Variants in YTHDC2 observed in about 807,000 individuals in gnomAD.
YTHDC2 encodes the protein YTH N6-methyladenosine RNA binding protein C2, also known as 3'-5' RNA helicase YTHDC2.
A neutral mutation model predicts 174.9 loss-of-function variants in YTHDC2; 45 were observed. The ratio of observed to expected loss-of-function variants is 0.26; its 90% CI spans 0.20 to 0.33. The LOEUF is 0.33. Ranked by LOEUF, YTHDC2 falls within the 10% of genes least tolerant of loss-of-function variation. The probability of loss-of-function intolerance (pLI) is 1.00; values close to 1 mark genes in which losing one functional copy is unlikely to be tolerated. For synonymous variants in YTHDC2, 657 were observed against 574.5 expected (o/e 1.14, Z -2.05); for missense variants, 1,650 against 1,723.7 (o/e 0.96, Z 0.76).
chr5:113,589,160 C>G (rs1043590585), intron 26 of YTHDC2, among the ~76,000 whole-genome samples: 3 of 151,484 alleles, frequency 2.0e-5, no homozygotes, highest in Non-Finnish European at 4.4e-5. Flanking sequence ...CCTGAAGAAC[C>G]TCCTTTCTGG....
chr5:113,593,538 T>G lies in YTHDC2; in HGVS notation c.*64T>G. On this transcript the variant is annotated 3_prime_UTR_variant, in exon 30 of 30. Coordinates refer to ENST00000161863, the MANE Select transcript of YTHDC2 (RefSeq NM_022828.5). ...TTTATAACCACTGAATGCACTGACT[T>G]TCAAAAACTGAGGTGGGGTGTGTGT... 1.7e-6 allele frequency: 1 copy of G among 591,008 alleles called. No individual in the cohort carries two copies. The highest frequency in any genetic ancestry group is 2.8e-6 in the Non-Finnish European group (1 of 352,106). The allele number at this position is 591,008 out of a possible 1,614,324, so 36.6% of individuals were successfully genotyped here. A position where few individuals can be genotyped will look rare whatever the true frequency, so the allele number is the denominator to read the frequency against.
intron 23 of YTHDC2, among the ~76,000 whole-genome samples, chr5:113,578,175 G>A (rs1409628903): frequency 6.6e-6 from 1 of 151,806 alleles, no homozygotes; most frequent in Non-Finnish European, 1.5e-5. Flanking sequence ...GTTTGTGTGT[G>A]TGTATCTGTG....
intron 2 of YTHDC2, among the ~76,000 whole-genome samples, chr5:113,520,498 CTTT>C (rs565814224): frequency 7.0e-6 from 1 of 143,274 alleles, no homozygotes. Flanking sequence ...AAAAGAATCT[CTTT>C]TTTTTTTTTT....
chr5:113,565,686 C>T (rs939489431), intron 20 of YTHDC2: 8 of 444,106 alleles, frequency 1.8e-5, no homozygotes, highest in Non-Finnish European at 2.2e-5. Context: ...GTTCTCTTTG[C>T]GATTTTATAA....
intron 23 of YTHDC2, among the ~76,000 whole-genome samples, chr5:113,578,175 G>T (rs1409628903): frequency 6.6e-6 from 1 of 151,806 alleles, no homozygotes; most frequent in Non-Finnish European, 1.5e-5. Context: ...GTTTGTGTGT[G>T]TGTATCTGTG....
At chr5:113,526,557 A>G (rs752896463) in intron 3 of YTHDC2, 29 bp from the exon 4 acceptor site, 42 of 1,540,160 alleles carry the variant, frequency 2.7e-5, no homozygotes, top group Non-Finnish European at 3.7e-5. Flanking sequence ...TTGATCATAC[A>G]TTTTTTGTTC....
chr5:113,554,273 A>AT (rs1776457849), intron 16 of YTHDC2, among the ~76,000 whole-genome samples: 1 of 152,064 alleles, frequency 6.6e-6, no homozygotes, highest in Non-Finnish European at 1.5e-5. Flanking sequence ...AATTTTTGTT[A>AT]TTTTAACAAA....
chr5:113,561,333 A>G (rs957260967), intron 18 of YTHDC2, 148 bp downstream of exon 18: 66 of 476,646 alleles, frequency 1.4e-4, no homozygotes, highest in African/African-American at 1.0e-3. Context: ...TGTCTATAAC[A>G]AATATTTTTT....
chr5:113,563,815 A>T, intron 19 of YTHDC2, 44 bp from the exon 20 acceptor site: 1 of 1,600,730 alleles, frequency 6.2e-7, no homozygotes, highest in Non-Finnish European at 8.5e-7. Flanking sequence ...TTTTGATTAA[A>T]CAGTTTGCTC....
intron 1 of YTHDC2, 131 bp downstream of exon 1, chr5:113,514,213 G>T: frequency 8.3e-7 from 1 of 1,198,826 alleles, no homozygotes; most frequent in Non-Finnish European, 1.2e-6. Flanking sequence ...ACCGTCCGGG[G>T]CGGGCCTCAG....
Position 113,594,988 on chromosome 5 carries a change from T to C in YTHDC2, c.*1514T>C, listed in dbSNP as rs1016981594. ...AAGACATACCTGTAAATTGAACCTATTTGAATTATATTCCACTGTATGTGT... is the reference window on the plus strand; with the variant it reads ...AAGACATACCTGTAAATTGAACCTACTTGAATTATATTCCACTGTATGTGT... On this transcript the variant is annotated 3_prime_UTR_variant, in exon 30 of 30. Transcript: ENST00000161863. The C allele has an allele frequency of 2.6e-5, 4 of 152,188 alleles. No homozygotes were observed. Among genetic ancestry groups the C allele is most frequent in the Admixed American group, 1.3e-4 (2 of 15,266 alleles). The allele number at this position is 152,188 out of a possible 1,614,324, so 9.4% of individuals were successfully genotyped here.
At chr5:113,528,435 A>C (rs1340260423) in intron 4 of YTHDC2, among the ~76,000 whole-genome samples, 1 of 152,180 alleles carries the variant, frequency 6.6e-6, no homozygotes, top group East Asian at 1.9e-4. Context: ...GGTATTAGGA[A>C]GTTAAGTGCT....
chr5:113,587,751 G>T (rs912556923), intron 26 of YTHDC2, among the ~76,000 whole-genome samples: 2 of 150,832 alleles, frequency 1.3e-5, no homozygotes, highest in Admixed American at 6.6e-5. Context: ...CAGGTCCTTT[G>T]TACTTTCATA....
At chr5:113,557,844 C>T (rs1051186605) in intron 17 of YTHDC2, among the ~76,000 whole-genome samples, 1 of 152,088 alleles carries the variant, frequency 6.6e-6, no homozygotes, top group African/African-American at 2.4e-5. Context: ...AGATGAAGGC[C>T]AGAACTGCAA....
chr5:113,541,253 G>A lies in YTHDC2; in HGVS notation c.1359+137G>A, dbSNP rs190194111. 2.3e-3 allele frequency: 2,177 copies of A among 945,874 alleles called. 12 individuals carry two copies. Among genetic ancestry groups the A allele is most frequent in the Non-Finnish European group, 1.8e-3 (1,115 of 627,582 alleles). 58.6% of individuals were successfully genotyped at this position (945,874 alleles called of 1,614,324 possible). A position where few individuals can be genotyped will look rare whatever the true frequency, so the allele number is the denominator to read the frequency against. On this transcript the variant is annotated intron_variant, in intron 9 of 29. Coordinates refer to ENST00000161863, the MANE Select transcript of YTHDC2 (RefSeq NM_022828.5). ...GTGGCCCAGGCTGGAGTGGAGTGGC[G>A]TGATCTCGGCTCACTGCAAGCTCCG...
Position 113,513,930 on chromosome 5 carries a change from C to T in YTHDC2, c.35C>T (p.Pro12Leu), listed in dbSNP as rs116615892. 1,883 of 1,605,508 alleles carry T rather than the reference C, an allele frequency of 1.2e-3. 18 individuals carry two copies. In the African/African-American group the frequency reaches 0.022, roughly 19 times the overall value. The change falls in exon 1 of 30, where the codon CCG becomes CTG. Residue 12 changes from proline to leucine, a missense_variant. Coordinates refer to ENST00000161863, the MANE Select transcript of YTHDC2 (RefSeq NM_022828.5). ...CCGAGCAGCGTCTCCCCGCGGCAGCCGGCTCCTGGCGGTGGCGGAGGCGGC... is the reference window on the plus strand; with the variant it reads ...CCGAGCAGCGTCTCCCCGCGGCAGCTGGCTCCTGGCGGTGGCGGAGGCGGC... ...SRPSSVSPRQ[P>L]APGGGGGGGP...
Position 113,553,199 on chromosome 5 carries a change from A to T in YTHDC2, c.1707A>T (p.Gly569=), listed in dbSNP as rs931687160. 2.6e-5 allele frequency: 38 copies of T among 1,484,428 alleles called. No individual in the cohort carries two copies. The Admixed American group carries it at 6.6e-4, about 26-fold the overall frequency. 92.0% of individuals were successfully genotyped at this position (1,484,428 alleles called of 1,614,324 possible). A position where few individuals can be genotyped will look rare whatever the true frequency, so the allele number is the denominator to read the frequency against. The change falls in exon 13 of 30, where the codon GGA becomes GGT. Residue 569 remains glycine (G), a synonymous_variant. Coordinates refer to ENST00000161863, the MANE Select transcript of YTHDC2 (RefSeq NM_022828.5). The part of the protein sequence containing the change: ...LESYSATLEF[G]NLDESSLVQT... ...TTTTCAGTGCTACACTGGAATTTGGAAATCTAGATGAAAGTTCTCTGGTTC... is the reference window on the plus strand; with the variant it reads ...TTTTCAGTGCTACACTGGAATTTGGTAATCTAGATGAAAGTTCTCTGGTTC...
chr5:113,548,514 G>T, intron 10 of YTHDC2, 27 bp from the exon 11 acceptor site: 1 of 1,568,096 alleles, frequency 6.4e-7, no homozygotes, highest in Non-Finnish European at 8.6e-7. Flanking sequence ...GGAAATTTAA[G>T]TTTTATTTAT....
intron 2 of YTHDC2, among the ~76,000 whole-genome samples, chr5:113,516,345 ATTGTT>A (rs796259187): frequency 1.1e-4 from 17 of 152,292 alleles, no homozygotes; most frequent in African/African-American, 4.1e-4. Context: ...ACAGGAGGAA[ATTGTT>A]TTGTTTTGTT....
Sources: allele counts gnomAD v4.1 joint callset (sites outside exome capture counted in the v4.1 genomes callset), GRCh38; gene constraint gnomAD v4.1.1; transcripts MANE v1.5; gene names NCBI Gene and HGNC (gene_info 2026-07-23, HGNC 2026-07-21).